UNK: variants seen among roughly 807,000 people sequenced by gnomAD.
UNK encodes the protein RING finger protein unkempt homolog.
UNK carries 32 observed loss-of-function variants against 97.6 expected under a neutral mutation model. That is an observed-to-expected ratio of 0.33 (90% CI 0.25 to 0.44). The LOEUF is 0.44. UNK is among the 20% of genes least tolerant of loss of function. The probability of loss-of-function intolerance (pLI) is 1.00; values close to 1 mark genes in which losing one functional copy is unlikely to be tolerated. For missense variants in UNK, 771 were observed against 1,098.4 expected (o/e 0.70, Z 4.21); for synonymous variants, 441 against 461.2 (o/e 0.96, Z 0.56).
chr17:75,813,959 A>G, intron 6 of UNK, 81 bp downstream of exon 6: 1 of 1,284,862 alleles, frequency 7.8e-7, no homozygotes, highest in South Asian at 1.4e-5. Flanking sequence ...TGTTGGCAGA[A>G]CCCATCCTGA....
rs777733494 is a variant in UNK at position 75,784,934 on chromosome 17, C to G, written c.54C>G (p.Ala18=). The change falls in exon 1 of 16, where the codon GCC becomes GCG. Residue 18 remains alanine (A), a synonymous_variant. Transcript: ENST00000589666. ...CCGCAGCTTCCTCGGCGCCCCCGGC[C>G]GCTACCGCTCAGGTGCTGCAGGCAC... The part of the protein sequence containing the change: ...GGSAASSAPP[A]ATAQVLQAQP... 5.8e-6 allele frequency: 9 copies of G among 1,552,646 alleles called. No individual in the cohort carries two copies. Among genetic ancestry groups the G allele is most frequent in the East Asian group, 2.4e-5 (1 of 41,720 alleles).
chr17:75,821,413 G>T (rs540380365), intron 13 of UNK: 1 of 455,092 alleles, frequency 2.2e-6, no homozygotes, highest in Admixed American at 2.4e-5. Context: ...TACCTGGACA[G>T]CAGAGTCAGG....
Position 75,816,354 on chromosome 17 carries a change from T to G in UNK, c.962-416T>G, listed in dbSNP as rs891735507. Among the ~76,000 whole-genome samples the G allele has an allele frequency of 1.3e-5, 2 of 152,212 alleles. No individual in the cohort carries two copies. Among genetic ancestry groups the G allele is most frequent in the African/African-American group, 4.8e-5 (2 of 41,446 alleles). On this transcript the variant is annotated intron_variant, in intron 7 of 15. Coordinates refer to ENST00000589666, the MANE Select transcript of UNK (RefSeq NM_001080419.3). The surrounding 1 kb of genome is among the most constrained non-coding windows in gnomAD (Gnocchi z 4.0). ...CTGGGCGGGAGAAGCATATTCTTGATGCAGAGGTGGTCCCCGGCCATGGGC... is the reference window on the plus strand; with the variant it reads ...CTGGGCGGGAGAAGCATATTCTTGAGGCAGAGGTGGTCCCCGGCCATGGGC...
At position 75,809,829 on chromosome 17, in the gene UNK, C is replaced by G. The variant is rs2061952084; in HGVS notation, c.174C>G (p.Pro58=). 1 of 1,613,772 alleles carries G rather than the reference C, an allele frequency of 6.2e-7. No individual in the cohort carries two copies. Among genetic ancestry groups the G allele is most frequent in the Non-Finnish European group, 8.5e-7 (1 of 1,179,852 alleles). The part of the protein sequence containing the change: ...FVQHKCTQHR[P]YTCFHWHFVN... ...AACACAAATGCACGCAGCATCGGCCCTACACCTGCTTCCACTGGCACTTCG... is the reference window on the plus strand; with the variant it reads ...AACACAAATGCACGCAGCATCGGCCGTACACCTGCTTCCACTGGCACTTCG... Residue 58 remains proline (P), a synonymous_variant, in exon 2 of 16, where the codon CCC becomes CCG. Coordinates refer to ENST00000589666, the MANE Select transcript of UNK (RefSeq NM_001080419.3).
At chr17:75,786,225 G>A (rs1869322070) in intron 1 of UNK, among the ~76,000 whole-genome samples, 1 of 152,204 alleles carries the variant, frequency 6.6e-6, no homozygotes, top group Admixed American at 6.5e-5. Context: ...ATCTTTCGCA[G>A]TCTTTCCATT....
chr17:75,812,222 A>G lies in UNK; in HGVS notation c.425A>G (p.Lys142Arg). Reference protein sequence around the residue: ...HETDSKGNCTKNGLHCAFAHG... With the variant: ...HETDSKGNCTRNGLHCAFAHG... ...ACAGACTCGAAAGGCAACTGCACCAAAAACGGCCTGCACTGCGCTTTTGCC... is the reference window on the plus strand; with the variant it reads ...ACAGACTCGAAAGGCAACTGCACCAGAAACGGCCTGCACTGCGCTTTTGCC... Residue 142 changes from lysine to arginine, a missense_variant, in exon 3 of 16, where the codon AAA (lysine) becomes AGA (arginine). Lys to Arg is a conservative substitution (Grantham distance 26). Around this residue, in one of 5 missense-constraint regions of UNK, gnomAD observed 246 missense variants for 440.7 expected, o/e 0.56. Coordinates refer to ENST00000589666, the MANE Select transcript of UNK (RefSeq NM_001080419.3). The G allele has an allele frequency of 6.2e-7, 1 of 1,614,052 alleles. No individual in the cohort carries two copies. Among genetic ancestry groups the G allele is most frequent in the Non-Finnish European group, 8.5e-7 (1 of 1,179,894 alleles).
At chr17:75,808,928 C>T (rs1311101493) in intron 1 of UNK, 1 of 152,228 alleles carries the variant, frequency 6.6e-6, no homozygotes, top group Non-Finnish European at 1.5e-5. Context: ...TTGGGAGTGT[C>T]TTGGCTGTTA....
chr17:75,813,065 G>T lies in UNK; in HGVS notation c.623-13G>T. On this transcript the variant is annotated splice_polypyrimidine_tract_variant and intron_variant, in intron 4 of 15. Transcript: ENST00000589666. ...CCTCTCACCTGACCCCTGCCCTCTGGCCCCCTGTGCAGAGACTGCTTATGT... is the reference window on the plus strand; with the variant it reads ...CCTCTCACCTGACCCCTGCCCTCTGTCCCCCTGTGCAGAGACTGCTTATGT... 6.3e-7 allele frequency: 1 copy of T among 1,579,766 alleles called. No individual in the cohort carries two copies. The highest frequency in any genetic ancestry group is 1.2e-5 in the South Asian group (1 of 86,432).
At chr17:75,807,105 C>T (rs1269375820) in intron 1 of UNK, among the ~76,000 whole-genome samples, 3 of 152,248 alleles carry the variant, frequency 2.0e-5, no homozygotes, top group Non-Finnish European at 4.4e-5. Context: ...CCAGGACAGA[C>T]TGTGCCCAGA....
chr17:75,823,599 C>A, intron 15 of UNK, 77 bp downstream of exon 15: 1 of 1,446,990 alleles, frequency 6.9e-7, no homozygotes. Context: ...CTGGTCCAGG[C>A]TGCTCCAGGG....
At chr17:75,806,089 C>A (rs1267489520) in intron 1 of UNK, among the ~76,000 whole-genome samples, 1 of 141,482 alleles carries the variant, frequency 7.1e-6, no homozygotes, top group Admixed American at 7.3e-5. Flanking sequence ...GGCAAAAAAG[C>A]GAGACTCCGT....
intron 4 of UNK, 46 bp from the exon 5 acceptor site, chr17:75,813,032 C>T: frequency 1.9e-6 from 3 of 1,540,038 alleles, no homozygotes; most frequent in Non-Finnish European, 2.6e-6. Flanking sequence ...TCTTGGGGTG[C>T]TCCAGCTCCT....
At chr17:75,806,633 C>T (rs1388758514) in intron 1 of UNK, among the ~76,000 whole-genome samples, 26 of 151,602 alleles carry the variant, frequency 1.7e-4, no homozygotes, top group Admixed American at 1.6e-3. Context: ...ATTAGCTGGG[C>T]GTGGTGGCGG....
chr17:75,790,871 C>T lies in UNK; in HGVS notation c.104+5887C>T, dbSNP rs554245628. 9.3e-5 allele frequency among the ~76,000 whole-genome samples: 14 copies of T among 151,310 alleles called. No individual in the cohort carries two copies. The East Asian group carries it at 1.6e-3, about 17-fold the overall frequency. ...GCTTGAACCCAGGAGGCGGAGGTTG[C>T]GGAGGTTGCAGTGAGCCGAGATCAC... On this transcript the variant is annotated intron_variant, in intron 1 of 15. Coordinates refer to ENST00000589666, the MANE Select transcript of UNK (RefSeq NM_001080419.3).
intron 1 of UNK, among the ~76,000 whole-genome samples, chr17:75,801,587 C>T (rs1260616763): frequency 6.6e-6 from 1 of 151,988 alleles, no homozygotes; most frequent in Non-Finnish European, 1.5e-5. Context: ...CACTCTGTCG[C>T]CCAGGCTGGA....
intron 4 of UNK, 115 bp downstream of exon 4, chr17:75,812,700 G>A: frequency 1.8e-5 from 25 of 1,424,678 alleles, no homozygotes; most frequent in East Asian, 2.5e-5. Flanking sequence ...GACCTGGCCC[G>A]CATCCCACCC....
In UNK at chr17:75,793,000, G is replaced by T. The variant is rs544648302; in HGVS notation, c.104+8016G>T. On this transcript the variant is annotated intron_variant, in intron 1 of 15. Coordinates refer to ENST00000589666, the MANE Select transcript of UNK (RefSeq NM_001080419.3). ...TTTCCCAGCTTTCTCAGTGGCTTAG[G>T]CCCTGTGTATCTATTCTAGTTGAAT... is the stretch of plus-strand genomic sequence containing the variant. Among the ~76,000 whole-genome samples the T allele has an allele frequency of 2.0e-5, 3 of 152,334 alleles. No individual in the cohort carries two copies. In the South Asian group the frequency reaches 6.2e-4, roughly 32 times the overall value.
intron 14 of UNK, 95 bp downstream of exon 14, chr17:75,822,753 G>T: frequency 7.3e-7 from 1 of 1,371,950 alleles, no homozygotes; most frequent in Non-Finnish European, 9.6e-7. Context: ...GGGGGAAAGC[G>T]GGGGCTGGAA....
chr17:75,793,293 T>G lies in UNK; in HGVS notation c.104+8309T>G, dbSNP rs2061778501. 17 of 471,664 alleles carry G rather than the reference T, an allele frequency of 3.6e-5. No individual in the cohort carries two copies. In the South Asian group the frequency reaches 1.1e-3, roughly 30 times the overall value. The allele number at this position is 471,664 out of a possible 1,614,324, so 29.2% of individuals were successfully genotyped here. On this transcript the variant is annotated intron_variant, in intron 1 of 15. Transcript: ENST00000589666. ...CAGGTATCGTGAGTGTTTTAAGGTTTACATGGGCATTTCTTTAAGGACAGG... is the reference window on the plus strand; with the variant it reads ...CAGGTATCGTGAGTGTTTTAAGGTTGACATGGGCATTTCTTTAAGGACAGG...
Sources: gnomAD v4.1 joint callset for allele counts (sites outside exome capture counted in the v4.1 genomes callset) on GRCh38, gnomAD v4.1.1 for gene constraint, gnomAD v4.1.1 regional missense constraint, Gnocchi (gnomAD v3.1) non-coding constraint, MANE v1.5 for transcripts, NCBI Gene and HGNC (gene_info 2026-07-23, HGNC 2026-07-21) for gene names.